The following MAML3 variants were observed in gnomAD, a reference collection of about 807,000 sequenced individuals.
MAML3 encodes the protein mastermind-like protein 3.
MAML3 carries 27 observed loss-of-function variants against 101.9 expected under a neutral mutation model. The observed-to-expected ratio is 0.27, with a 90% CI of 0.20 to 0.37. MAML3 has a LOEUF of 0.37. MAML3 is among the 10% of genes least tolerant of loss of function. MAML3 has a pLI of 1.00. For missense variants in MAML3, 1,316 were observed against 1,444.9 expected, an observed-to-expected ratio of 0.91 and a Z score of 1.45; for synonymous variants, 501 against 555.9, an observed-to-expected ratio of 0.90 and a Z score of 1.39.
At chr4:140,083,139 G>C (rs553541656) in intron 1 of MAML3, among the ~76,000 whole-genome samples, 2 of 152,280 alleles carry the variant, frequency 1.3e-5, no homozygotes, top group South Asian at 4.1e-4. Flanking sequence ...AAGAATCGAA[G>C]GCTCAGAACC....
intron 1 of MAML3, among the ~76,000 whole-genome samples, chr4:140,104,551 C>T (rs1342317231): frequency 6.9e-6 from 1 of 144,922 alleles, no homozygotes; most frequent in Non-Finnish European, 1.5e-5. Context: ...CAGTTCATTG[C>T]AACCTCCACC....
chr4:140,036,516 C>T (rs577394296), intron 1 of MAML3, among the ~76,000 whole-genome samples: 3 of 152,324 alleles, frequency 2.0e-5, no homozygotes, highest in South Asian at 4.1e-4. Flanking sequence ...AGATCAGCAC[C>T]TCTCCTGCAA....
intron 1 of MAML3, among the ~76,000 whole-genome samples, chr4:139,977,079 A>G (rs1734352875): frequency 6.6e-6 from 1 of 152,190 alleles, no homozygotes; most frequent in South Asian, 2.1e-4. Flanking sequence ...GTTCCTGGTG[A>G]GCTGCTTCGG....
intron 2 of MAML3, among the ~76,000 whole-genome samples, chr4:139,790,795 T>C (rs1282767751): frequency 6.6e-6 from 1 of 152,216 alleles, no homozygotes; most frequent in African/African-American, 2.4e-5. Flanking sequence ...CACTCATCTA[T>C]TGATGGACAT....
intron 1 of MAML3, among the ~76,000 whole-genome samples, chr4:140,011,292 C>T (rs1290685076): frequency 2.9e-5 from 4 of 140,224 alleles, no homozygotes; most frequent in Non-Finnish European, 4.7e-5. Flanking sequence ...GATGACTTTA[C>T]CAAACAGAGA....
chr4:139,826,812 A>G (rs1370186858), intron 2 of MAML3, among the ~76,000 whole-genome samples: 1 of 152,216 alleles, frequency 6.6e-6, no homozygotes, highest in East Asian at 1.9e-4. Context: ...CGACCCTTGC[A>G]GACACATACG....
At chr4:139,828,200 T>A (rs1384748312) in intron 2 of MAML3, among the ~76,000 whole-genome samples, 2 of 152,246 alleles carry the variant, frequency 1.3e-5, no homozygotes, top group Non-Finnish European at 2.9e-5. Context: ...GATGGAGCTG[T>A]AATAGCATTT....
chr4:140,001,461 G>C (rs1560862771), intron 1 of MAML3, among the ~76,000 whole-genome samples: 1 of 152,150 alleles, frequency 6.6e-6, no homozygotes, highest in Non-Finnish European at 1.5e-5. Context: ...CGCAGAGTGA[G>C]AAAAAGTCAA....
intron 1 of MAML3, among the ~76,000 whole-genome samples, chr4:140,007,487 T>C (rs1343760805): frequency 6.6e-6 from 1 of 152,190 alleles, no homozygotes. Context: ...TATTCCATTA[T>C]ATTCCAGTAA....
At chr4:139,769,916 C>CTTTTTTTTTTTTTTT (rs139445743) in intron 2 of MAML3, among the ~76,000 whole-genome samples, 101 of 132,260 alleles carry the variant, frequency 7.6e-4, no homozygotes, top group African/African-American at 2.6e-3. Flanking sequence ...CGCCCAGCCT[C>CTTTTTTTTTTTTTTT]TTTTTTTTTT....
chr4:139,764,329 G>A (rs1729811713), intron 2 of MAML3, among the ~76,000 whole-genome samples: 2 of 152,186 alleles, frequency 1.3e-5, no homozygotes, highest in African/African-American at 2.4e-5. Context: ...GGCTGGAAAG[G>A]TCCCTACTTA....
intron 1 of MAML3, among the ~76,000 whole-genome samples, chr4:139,956,466 A>G (rs1733918809): frequency 6.6e-6 from 1 of 152,242 alleles, no homozygotes; most frequent in Non-Finnish European, 1.5e-5. Context: ...TTAAAATGTC[A>G]GGGCTAGCTG....
chr4:139,827,292 T>C (rs1731077505), intron 2 of MAML3, among the ~76,000 whole-genome samples: 1 of 152,194 alleles, frequency 6.6e-6, no homozygotes, highest in Non-Finnish European at 1.5e-5. Flanking sequence ...ATCTAGCTGC[T>C]CTATGATGTG....
intron 1 of MAML3, among the ~76,000 whole-genome samples, chr4:140,119,576 G>T (rs2111022518): frequency 6.7e-6 from 1 of 148,406 alleles, no homozygotes; most frequent in Non-Finnish European, 1.5e-5. Flanking sequence ...GACACTTTGG[G>T]ATACACAATT....
At chr4:139,903,239 T>G (rs1483394275) in intron 1 of MAML3, among the ~76,000 whole-genome samples, 1 of 152,178 alleles carries the variant, frequency 6.6e-6, no homozygotes, top group Non-Finnish European at 1.5e-5. Flanking sequence ...CCTCTCAAAG[T>G]GCTGAGATTA....
chr4:140,004,179 A>G (rs1726397062), intron 1 of MAML3, among the ~76,000 whole-genome samples: 1 of 152,202 alleles, frequency 6.6e-6, no homozygotes, highest in Non-Finnish European at 1.5e-5. Flanking sequence ...TTGTTGTCAC[A>G]CTTTGTCTCA....
chr4:139,867,571 C>A (rs1169734173), intron 2 of MAML3, among the ~76,000 whole-genome samples: 1 of 152,166 alleles, frequency 6.6e-6, no homozygotes. Context: ...GAGAGGCTTG[C>A]CCCAGGCACA....
intron 2 of MAML3, among the ~76,000 whole-genome samples, chr4:139,816,017 A>C (rs1307883978): frequency 2.0e-5 from 3 of 152,186 alleles, no homozygotes; most frequent in Admixed American, 2.0e-4. Context: ...CCCAGCTCCA[A>C]TATAATTCTA....
chr4:139,958,744 T>C (rs1200364390), intron 1 of MAML3, among the ~76,000 whole-genome samples: 1 of 152,192 alleles, frequency 6.6e-6, no homozygotes, highest in Non-Finnish European at 1.5e-5. Flanking sequence ...TCCACCCCCA[T>C]TTTGTTTTAA....
Sources: allele counts gnomAD v4.1 joint callset (sites outside exome capture counted in the v4.1 genomes callset), GRCh38; gene constraint gnomAD v4.1.1; transcripts MANE v1.5; gene names NCBI Gene and HGNC (gene_info 2026-07-23, HGNC 2026-07-21).